The following NRXN1 variants were observed in gnomAD, a reference collection of about 807,000 sequenced individuals.
NRXN1 encodes the protein neurexin 1.
A neutral mutation model predicts 150.9 loss-of-function variants in NRXN1; 39 were observed. The observed-to-expected ratio is 0.26, with a 90% CI of 0.20 to 0.34. The LOEUF is 0.34. Among genes scored for constraint, NRXN1 ranks in the 10% least tolerant of loss-of-function variants. NRXN1 has a pLI of 1.00. For missense variants in NRXN1, 1,815 were observed against 1,949.9 expected, an observed-to-expected ratio of 0.93 and a Z score of 1.30; for synonymous variants, 924 against 757.0, an observed-to-expected ratio of 1.22 and a Z score of -3.62.
intron 2 of NRXN1, among the ~76,000 whole-genome samples, chr2:50,999,945 T>A (rs1359613139): frequency 6.6e-6 from 1 of 152,058 alleles, no homozygotes; most frequent in Non-Finnish European, 1.5e-5. Flanking sequence ...ATATTCCTAT[T>A]TTTCAGATAC....
intron 18 of NRXN1, among the ~76,000 whole-genome samples, chr2:50,224,045 T>C (rs1016132915): frequency 6.6e-6 from 1 of 152,120 alleles, no homozygotes; most frequent in Non-Finnish European, 1.5e-5. Flanking sequence ...CTATGTGCTA[T>C]GTCATCACAC....
chr2:50,622,469 A>G (rs189703715), intron 6 of NRXN1, among the ~76,000 whole-genome samples: 6 of 152,284 alleles, frequency 3.9e-5, no homozygotes, highest in Admixed American at 1.3e-4. Context: ...GTCACTGTCA[A>G]CACTTAACAA....
chr2:50,472,829 G>GTA lies in NRXN1; in HGVS notation c.3071-360_3071-359dup, dbSNP rs375129044. On this transcript the variant is annotated intron_variant, in intron 15 of 22. Transcript: ENST00000401669. ...TGTGTGTGTGTGTGTGTGTGTGTGT[G>GTA]TATATATATATATAAGTTTCTCTGA... Among the ~76,000 whole-genome samples the GTA allele has an allele frequency of 4.4e-3, 348 of 79,800 alleles. 1 individual carries two copies. Among genetic ancestry groups the GTA allele is most frequent in the Non-Finnish European group, 8.5e-3 (257 of 30,172 alleles). The allele number at this position is 79,800 out of a possible 152,430, so 52.4% of individuals were successfully genotyped here. A position where few individuals can be genotyped will look rare whatever the true frequency, so the allele number is the denominator to read the frequency against.
intron 20 of NRXN1, 108 bp from the exon 21 acceptor site, chr2:50,053,698 T>G: frequency 1.8e-6 from 2 of 1,106,552 alleles, no homozygotes; most frequent in South Asian, 2.7e-5. Flanking sequence ...AGCAATAAAC[T>G]ATAAGAGAGG....
At chr2:51,025,771 C>A (rs7604257) in intron 2 of NRXN1, among the ~76,000 whole-genome samples, 5 of 152,058 alleles carry the variant, frequency 3.3e-5, no homozygotes, top group Non-Finnish European at 7.4e-5. Flanking sequence ...AAGAAAAAAA[C>A]TATCTTTTTT....
At chr2:50,464,615 G>A (rs1386850279) in intron 17 of NRXN1, among the ~76,000 whole-genome samples, 1 of 151,948 alleles carries the variant, frequency 6.6e-6, no homozygotes, top group Non-Finnish European at 1.5e-5. Context: ...TAGCTTAAGT[G>A]TTGTAGCACT....
At position 50,679,686 on chromosome 2, in the gene NRXN1, A is replaced by G. The variant is rs189551399; in HGVS notation, c.833-56071T>C. Among the ~76,000 whole-genome samples, 14 of 152,318 alleles carry G rather than the reference A, an allele frequency of 9.2e-5. No homozygotes were observed. In the East Asian group the frequency reaches 2.5e-3, roughly 27 times the overall value. On this transcript the variant is annotated intron_variant, in intron 5 of 22. Coordinates refer to ENST00000401669, the MANE Select transcript of NRXN1 (RefSeq NM_001330078.2). ...AAGTAAATAAAATTATCTTTATTCTATTAATAAAGAAAATGTATATGAAGA... is the reference window on the plus strand; with the variant it reads ...AAGTAAATAAAATTATCTTTATTCTGTTAATAAAGAAAATGTATATGAAGA...
At chr2:50,548,363 G>GGAGGAT (rs758911630) in intron 9 of NRXN1, 2 of 152,104 alleles carry the variant, frequency 1.3e-5, no homozygotes, top group Non-Finnish European at 2.9e-5. Context: ...ATCTGGGCTT[G>GGAGGAT]GAGGATGGTG....
At chr2:50,658,659 C>T (rs1029507826) in intron 5 of NRXN1, among the ~76,000 whole-genome samples, 3 of 151,888 alleles carry the variant, frequency 2.0e-5, no homozygotes, top group East Asian at 3.9e-4. Flanking sequence ...ATCTTCATTT[C>T]CTGCTTTTGA....
At position 50,091,285 on chromosome 2, in the gene NRXN1, T is replaced by A. The variant is rs750121092; in HGVS notation, c.3718+38A>T. 3 of 1,611,800 alleles carry A rather than the reference T, an allele frequency of 1.9e-6. No homozygotes were observed. The South Asian group carries it at 3.3e-5, about 18-fold the overall frequency. On this transcript the variant is annotated intron_variant, in intron 19 of 22. Transcript: ENST00000401669. The stretch of plus-strand genomic sequence containing the variant: ...AGTGCTTTTTCTTCCAGTTTGTTTT[T>A]CATAAAATCTTCCCCCGATACATAT...
chr2:50,551,938 G>GA (rs1458383863), intron 9 of NRXN1, among the ~76,000 whole-genome samples: 1 of 152,010 alleles, frequency 6.6e-6, no homozygotes, highest in African/African-American at 2.4e-5. Context: ...GTGTAAATGT[G>GA]ATTTCTTCGG....
Position 50,027,955 on chromosome 2 carries a change from T to A in NRXN1, c.4128+25316A>T, listed in dbSNP as rs551293999. On this transcript the variant is annotated intron_variant, in intron 21 of 22. Coordinates refer to ENST00000401669, the MANE Select transcript of NRXN1 (RefSeq NM_001330078.2). ...GTTAGTTTTCTCTGGGCTAACATTC[T>A]GTCTTCAAGATCTTTGTGTTTAGAT... 6.4e-4 allele frequency among the ~76,000 whole-genome samples: 98 copies of A among 152,346 alleles called. 1 individual carries two copies. In the Middle Eastern group the frequency reaches 0.014, roughly 21 times the overall value.
At chr2:50,640,604 C>G (rs1239207595) in intron 5 of NRXN1, among the ~76,000 whole-genome samples, 2 of 152,084 alleles carry the variant, frequency 1.3e-5, no homozygotes, top group African/African-American at 4.8e-5. Flanking sequence ...TTATGTAAAA[C>G]CACACAAATG....
At chr2:50,610,226 C>T (rs375780958) in intron 8 of NRXN1, among the ~76,000 whole-genome samples, 4 of 152,204 alleles carry the variant, frequency 2.6e-5, no homozygotes, top group African/African-American at 9.6e-5. Flanking sequence ...ATGGCTCAAA[C>T]TTAGTTAAGT....
At chr2:50,579,908 A>T (rs921926672) in intron 8 of NRXN1, among the ~76,000 whole-genome samples, 1 of 152,180 alleles carries the variant, frequency 6.6e-6, no homozygotes, top group Admixed American at 6.5e-5. Flanking sequence ...AGTTATCATG[A>T]AAGGGTTATA....
intron 21 of NRXN1, among the ~76,000 whole-genome samples, chr2:49,962,726 C>T (rs747226090): frequency 2.6e-5 from 4 of 152,020 alleles, no homozygotes; most frequent in East Asian, 1.9e-4. Flanking sequence ...AGGCCGGACA[C>T]GGTGGCTCAT....
intron 5 of NRXN1, among the ~76,000 whole-genome samples, chr2:50,771,484 C>A (rs1197489003): frequency 6.6e-6 from 1 of 151,828 alleles, no homozygotes; most frequent in Non-Finnish European, 1.5e-5. Context: ...GTAGAAGCTG[C>A]CTAATGAAGG....
At chr2:50,108,199 T>C (rs1370018090) in intron 18 of NRXN1, among the ~76,000 whole-genome samples, 3 of 152,042 alleles carry the variant, frequency 2.0e-5, no homozygotes, top group Admixed American at 1.3e-4. Flanking sequence ...CCCTCCTAAA[T>C]GTATAAAATT....
chr2:51,005,858 C>CA (rs1700650007), intron 2 of NRXN1, among the ~76,000 whole-genome samples: 1 of 151,692 alleles, frequency 6.6e-6, no homozygotes, highest in Non-Finnish European at 1.5e-5. Flanking sequence ...TGGATTAAAA[C>CA]AAAAATGACC....
Sources: gnomAD v4.1 joint callset for allele counts (sites outside exome capture counted in the v4.1 genomes callset) on GRCh38, gnomAD v4.1.1 for gene constraint, MANE v1.5 for transcripts, NCBI Gene and HGNC (gene_info 2026-07-23, HGNC 2026-07-21) for gene names.